The following CDK8 variants were observed in gnomAD, a reference collection of about 807,000 sequenced individuals.
The protein encoded by CDK8 is cyclin-dependent kinase 8.
Under a neutral mutation model 71.5 loss-of-function variants are expected in CDK8, and 29 were observed. That is an observed-to-expected ratio of 0.41 (90% CI 0.30 to 0.55). The LOEUF is 0.55. CDK8 is among the 20% of genes least tolerant of loss of function. The probability of loss-of-function intolerance (pLI) is 0.37; values close to 1 mark genes in which losing one functional copy is unlikely to be tolerated. For synonymous variants in CDK8, 161 were observed against 192.1 expected, an observed-to-expected ratio of 0.84 and a Z score of 1.34; for missense variants, 288 against 572.6, an observed-to-expected ratio of 0.50 and a Z score of 5.07.
chr13:26,308,351 T>C (rs1470322800), intron 1 of CDK8, among the ~76,000 whole-genome samples: 1 of 152,212 alleles, frequency 6.6e-6, no homozygotes, highest in African/African-American at 2.4e-5. Context: ...ACCAAAGTCC[T>C]CTTACCACAT....
At chr13:26,391,896 ATC>A (rs1433181770) in intron 6 of CDK8, among the ~76,000 whole-genome samples, 1 of 152,238 alleles carries the variant, frequency 6.6e-6, no homozygotes, top group African/African-American at 2.4e-5. Flanking sequence ...TAAATTAAAT[ATC>A]TCTATTCCAG....
chr13:26,323,926 C>T (rs893737883), intron 1 of CDK8, among the ~76,000 whole-genome samples: 5 of 152,084 alleles, frequency 3.3e-5, no homozygotes, highest in Non-Finnish European at 7.4e-5. Flanking sequence ...CATTGGCTGT[C>T]ATAGGAAATA....
intron 1 of CDK8, among the ~76,000 whole-genome samples, chr13:26,312,471 G>A (rs1485940216): frequency 1.3e-5 from 2 of 152,080 alleles, no homozygotes; most frequent in African/African-American, 4.8e-5. Context: ...CCACCAGGAG[G>A]AACAAACAAC....
chr13:26,349,634 G>A (rs1344071005), intron 3 of CDK8, among the ~76,000 whole-genome samples: 1 of 152,148 alleles, frequency 6.6e-6, no homozygotes, highest in East Asian at 1.9e-4. Flanking sequence ...TTGTCGTATA[G>A]CATTAAGCAA....
intron 6 of CDK8, among the ~76,000 whole-genome samples, chr13:26,392,620 C>G (rs1875804297): frequency 6.6e-6 from 1 of 152,082 alleles, no homozygotes; most frequent in Admixed American, 6.5e-5. Context: ...GCCACCACAC[C>G]CGGCCGAATT....
rs993841761 is a variant in CDK8, at chr13:26,389,249, G to A, written c.646+3907G>A. Among the ~76,000 whole-genome samples the A allele has an allele frequency of 5.3e-5, 8 of 152,072 alleles. No individual in the cohort carries two copies. The South Asian group carries it at 8.3e-4, about 16-fold the overall frequency. ...GCAATCTTGGCTCACTGCAACCTCC[G>A]CTTCCCAGGTTCAGGCAATTCTGCT... On this transcript the variant is annotated intron_variant, in intron 6 of 12. Coordinates refer to ENST00000381527, the MANE Select transcript of CDK8 (RefSeq NM_001260.3).
At chr13:26,357,372 A>G (rs1359199315) in intron 4 of CDK8, among the ~76,000 whole-genome samples, 1 of 152,228 alleles carries the variant, frequency 6.6e-6, no homozygotes, top group Non-Finnish European at 1.5e-5. Flanking sequence ...ATTGATCCAA[A>G]CCAAACTTTT....
intron 1 of CDK8, among the ~76,000 whole-genome samples, chr13:26,314,551 A>C (rs907837806): frequency 6.6e-6 from 1 of 152,218 alleles, no homozygotes; most frequent in African/African-American, 2.4e-5. Flanking sequence ...GTTGACATTC[A>C]TGCAGGTGTT....
chr13:26,285,979 A>G (rs1400193743), intron 1 of CDK8, among the ~76,000 whole-genome samples: 1 of 152,234 alleles, frequency 6.6e-6, no homozygotes, highest in East Asian at 1.9e-4. Context: ...CTGCAAGGAA[A>G]ACTGCAAAAC....
At chr13:26,293,541 GT>G (rs1297238454) in intron 1 of CDK8, among the ~76,000 whole-genome samples, 1 of 147,574 alleles carries the variant, frequency 6.8e-6, no homozygotes, top group Non-Finnish European at 1.5e-5. Flanking sequence ...GGAGGCAGAG[GT>G]TGCAGTGAGC....
At chr13:26,349,628 C>T (rs1297573776) in intron 3 of CDK8, among the ~76,000 whole-genome samples, 1 of 152,098 alleles carries the variant, frequency 6.6e-6, no homozygotes, top group Non-Finnish European at 1.5e-5. Flanking sequence ...CATTATTTGT[C>T]GTATAGCATT....
intron 1 of CDK8, among the ~76,000 whole-genome samples, chr13:26,291,342 C>G (rs1480188053): frequency 6.6e-6 from 1 of 152,030 alleles, no homozygotes; most frequent in African/African-American, 2.4e-5. Context: ...AGAACATATA[C>G]CCATTGCTAA....
chr13:26,336,639 C>T (rs1873002190), intron 1 of CDK8, among the ~76,000 whole-genome samples: 1 of 150,722 alleles, frequency 6.6e-6, no homozygotes, highest in Admixed American at 6.6e-5. Flanking sequence ...CTGCAAGCTC[C>T]ACCTCCTGGG....
intron 2 of CDK8, among the ~76,000 whole-genome samples, chr13:26,338,065 T>C (rs1022726932): frequency 6.6e-6 from 1 of 152,140 alleles, no homozygotes. Context: ...TTTGAGTATG[T>C]AAACATTTAT....
chr13:26,385,548 C>G (rs985956526), intron 6 of CDK8, among the ~76,000 whole-genome samples: 1 of 152,012 alleles, frequency 6.6e-6, no homozygotes, highest in East Asian at 1.9e-4. Flanking sequence ...CCAGCCTGGG[C>G]AAAATAGTGA....
chr13:26,398,970 A>C (rs951791465), intron 9 of CDK8, among the ~76,000 whole-genome samples: 4 of 151,702 alleles, frequency 2.6e-5, no homozygotes, highest in Admixed American at 6.6e-5. Context: ...CTCAAAAAAA[A>C]AAAAAAATGT....
intron 1 of CDK8, among the ~76,000 whole-genome samples, chr13:26,312,180 T>C (rs1874313874): frequency 6.6e-6 from 1 of 152,190 alleles, no homozygotes; most frequent in South Asian, 2.1e-4. Context: ...ATCAGCGCTC[T>C]GTGTCTAGCT....
In CDK8 at chr13:26,368,395, A is replaced by G. The variant is rs1161361862; in HGVS notation, c.457-14419A>G. 2.6e-5 allele frequency among the ~76,000 whole-genome samples: 4 copies of G among 152,302 alleles called. No homozygotes were observed. In the East Asian group the frequency reaches 5.8e-4, roughly 22 times the overall value. On this transcript the variant is annotated intron_variant, in intron 4 of 12. Transcript: ENST00000381527. The stretch of plus-strand genomic sequence containing the variant: ...ATTCCTCAATATCTTCCCACCTGGG[A>G]GACTGATATATTCAAAATCTTTCCT...
At chr13:26,400,676 C>G in intron 10 of CDK8, 126 bp downstream of exon 10, 1 of 666,096 alleles carries the variant, frequency 1.5e-6, no homozygotes, top group Middle Eastern at 2.5e-4. Flanking sequence ...TTATGACAAG[C>G]AAAAATGAGC....
Sources: allele counts gnomAD v4.1 joint callset (sites outside exome capture counted in the v4.1 genomes callset), GRCh38; gene constraint gnomAD v4.1.1; transcripts MANE v1.5; gene names NCBI Gene and HGNC (gene_info 2026-07-23, HGNC 2026-07-21).